Variants in ZC4H2 observed in about 807,000 individuals in gnomAD.
ZC4H2 encodes the protein zinc finger C4H2 domain-containing protein.
For synonymous variants in ZC4H2, 84 were observed against 66.3 expected (o/e 1.27, Z -1.30); for missense variants, 137 against 173.9 (o/e 0.79, Z 1.19).
At chrX:64,938,937 C>A (rs771597163) in intron 1 of ZC4H2, among the ~76,000 whole-genome samples, 4 of 111,335 alleles carry the variant, frequency 3.6e-5, no homozygotes, top group East Asian at 2.8e-4. Flanking sequence ...TTTCTGGCCA[C>A]GACAATCAGG....
At chrX:64,937,004 G>A (rs983630996) in intron 1 of ZC4H2, among the ~76,000 whole-genome samples, 1 of 110,634 alleles carries the variant, frequency 9.0e-6, no homozygotes, top group Non-Finnish European at 1.9e-5. Context: ...ATCCATCAGT[G>A]TGCTGTATTC....
At chrX:64,977,035 T>C (rs1180285081), upstream of ZC4H2, among the ~76,000 whole-genome samples, 2 of 111,114 alleles carry the variant, frequency 1.8e-5, no homozygotes, top group Non-Finnish European at 3.8e-5. Context: ...AACAAACAAT[T>C]ACTTAAGCTC....
chrX:64,995,302 T>C (rs1932389877), intron 1 of ZC4H2, among the ~76,000 whole-genome samples: 1 of 111,376 alleles, frequency 9.0e-6, no homozygotes, highest in South Asian at 3.8e-4. Context: ...AACTTTAAAA[T>C]GGTAGGATAT....
chrX:65,032,059 T>C (rs1000058155), intron 1 of ZC4H2, among the ~76,000 whole-genome samples: 14 of 111,665 alleles, frequency 1.3e-4, no homozygotes, highest in African/African-American at 4.6e-4. Context: ...CTGTTTGTTG[T>C]AGGAGTTTTT....
chrX:64,980,170 C>T (rs758148333), upstream of ZC4H2, among the ~76,000 whole-genome samples: 1 of 111,838 alleles, frequency 8.9e-6, no homozygotes, highest in Admixed American at 9.5e-5. Context: ...AGTTTTCAGC[C>T]CAAAAATGTT....
chrX:64,956,269 T>C (rs747632996), intron 1 of ZC4H2, among the ~76,000 whole-genome samples: 1 of 111,661 alleles, frequency 9.0e-6, no homozygotes. Context: ...GTAGACTCTT[T>C]AGCCCATTCT....
At chrX:64,976,624 A>C (rs1931958735), upstream of ZC4H2, 2 of 412,395 alleles carry the variant, frequency 4.8e-6, no homozygotes, top group Non-Finnish European at 8.5e-6. Context: ...CCGCACTTTA[A>C]ATCAATTTGT....
chrX:64,936,866 G>A (rs1930036352), intron 1 of ZC4H2, among the ~76,000 whole-genome samples: 1 of 110,734 alleles, frequency 9.0e-6, no homozygotes, highest in Admixed American at 9.6e-5. Flanking sequence ...GCAACAAATG[G>A]GCAAAATAAC....
chrX:64,991,304 CACTT>C (rs1932303606), intron 1 of ZC4H2, among the ~76,000 whole-genome samples: 1 of 112,025 alleles, frequency 8.9e-6, no homozygotes, highest in African/African-American at 3.2e-5. Flanking sequence ...TACATTGTCA[CACTT>C]ACCTCCACTA....
intron 1 of ZC4H2, among the ~76,000 whole-genome samples, chrX:64,924,555 A>G (rs1929346762): frequency 9.0e-6 from 1 of 111,265 alleles, no homozygotes; most frequent in South Asian, 3.8e-4. Context: ...AGGATACAAC[A>G]AAGGGACCTA....
intron 1 of ZC4H2, among the ~76,000 whole-genome samples, chrX:64,997,248 A>G (rs1932433171): frequency 8.9e-6 from 1 of 112,317 alleles, no homozygotes; most frequent in Non-Finnish European, 1.9e-5. Context: ...ATTTGACAAA[A>G]CTATACTTTA....
intron 1 of ZC4H2, among the ~76,000 whole-genome samples, chrX:65,014,133 C>T (rs980267898): frequency 9.0e-6 from 1 of 110,976 alleles, no homozygotes; most frequent in Non-Finnish European, 1.9e-5. Flanking sequence ...GGATTCAGGC[C>T]TCATGAGTGG....
At chrX:64,978,854 G>C (rs1932028125), upstream of ZC4H2, among the ~76,000 whole-genome samples, 1 of 111,005 alleles carries the variant, frequency 9.0e-6, no homozygotes, top group African/African-American at 3.3e-5. Context: ...AGAAGCGGAG[G>C]GTTTGTATGG....
chrX:65,031,756 C>T (rs1932936358), intron 1 of ZC4H2, among the ~76,000 whole-genome samples: 1 of 111,416 alleles, frequency 9.0e-6, no homozygotes, highest in African/African-American at 3.3e-5. Context: ...AATGTAAAGA[C>T]ATGTCTTCAA....
intron 1 of ZC4H2, among the ~76,000 whole-genome samples, chrX:64,992,181 T>G (rs1932322119): frequency 8.9e-6 from 1 of 111,990 alleles, no homozygotes; most frequent in South Asian, 3.7e-4. Context: ...TATATCTTCA[T>G]AAAAATGTCA....
rs755823583 is a variant in ZC4H2 at position 64,999,741 on chromosome X, C to T, written c.-272+34888G>A. Reference sequence around the variant, plus strand: ...CAGTCTGAAGTCGACCTGGGGCTCTCGAGCTTGGTAGGGGGACGGGCATCC... The same window carrying T: ...CAGTCTGAAGTCGACCTGGGGCTCTTGAGCTTGGTAGGGGGACGGGCATCC... On this transcript the variant is annotated intron_variant, in intron 1 of 4. Coordinates refer to the ZC4H2 transcript ENST00000337990. Among the ~76,000 whole-genome samples the T allele has an allele frequency of 1.1e-4, 12 of 112,054 alleles. No homozygotes were observed. In the South Asian group the frequency reaches 2.3e-3, roughly 21 times the overall value.
intron 1 of ZC4H2, among the ~76,000 whole-genome samples, chrX:65,000,378 A>G (rs1302991777): frequency 8.9e-6 from 1 of 112,215 alleles, no homozygotes; most frequent in East Asian, 2.8e-4. Context: ...AAAGAAAGGA[A>G]TAGCATCAAC....
chrX:64,987,467 T>C (rs1447136333), intron 1 of ZC4H2, among the ~76,000 whole-genome samples: 14 of 107,069 alleles, frequency 1.3e-4, no homozygotes, highest in Non-Finnish European at 2.3e-4. Context: ...TTGCTGGGTT[T>C]TTTTTTTTTT....
chrX:64,998,680 TCTATCA>T (rs1391358025), intron 1 of ZC4H2, among the ~76,000 whole-genome samples: 2 of 111,833 alleles, frequency 1.8e-5, no homozygotes, highest in African/African-American at 6.5e-5. Context: ...GTCTGGTTGT[TCTATCA>T]ATTATTGAGA....
Sources: allele counts gnomAD v4.1 joint callset (sites outside exome capture counted in the v4.1 genomes callset), GRCh38; gene constraint gnomAD v4.1.1; transcripts MANE v1.5; gene names NCBI Gene and HGNC (gene_info 2026-07-23, HGNC 2026-07-21).